The following IFT43 variants were observed in gnomAD, a reference collection of about 807,000 sequenced individuals.
The protein encoded by IFT43 is intraflagellar transport 43, also known as intraflagellar transport protein 43 homolog.
In IFT43, 33 loss-of-function variants were observed where a neutral mutation model predicts 32.3. The ratio of observed to expected loss-of-function variants is 1.02; its 90% CI spans 0.77 to 1.37. The LOEUF (loss-of-function observed/expected upper bound fraction) is 1.37, where lower values mean the gene tolerates loss of function less well. Among genes scored for constraint, IFT43 ranks in the 40% most tolerant of loss-of-function variants. The probability of loss-of-function intolerance (pLI) is 0.00; values close to 1 mark genes in which losing one functional copy is unlikely to be tolerated. For missense variants in IFT43, 274 were observed against 265.9 expected (o/e 1.03, Z -0.21); for synonymous variants, 93 against 98.2 (o/e 0.95, Z 0.31).
chr14:75,986,446 C>A (rs200052099), intron 1 of IFT43: 2,057 of 148,198 alleles, frequency 0.014, 5 homozygotes, highest in South Asian at 0.026. Flanking sequence ...TGCCTGGGTT[C>A]AAAAAAAAAA....
rs567316736 is a variant in IFT43 at position 76,039,268 on chromosome 14, G to A, written c.215+16874G>A. On this transcript the variant is annotated intron_variant, in intron 3 of 8. Transcript: ENST00000314067. Reference sequence around the variant, plus strand: ...CGGCCTCAGCCTCCTCAGTAGCTGGGACTACAGGTACTCCTGCGTAGTTGA... The same window carrying A: ...CGGCCTCAGCCTCCTCAGTAGCTGGAACTACAGGTACTCCTGCGTAGTTGA... Among the ~76,000 whole-genome samples, 285 of 152,228 alleles carry A rather than the reference G, an allele frequency of 1.9e-3. 1 individual carries two copies. The highest frequency in any genetic ancestry group is 0.011 in the South Asian group (51 of 4,826).
intron 5 of IFT43, among the ~76,000 whole-genome samples, chr14:76,072,276 T>A (rs765581770): frequency 1.1e-4 from 16 of 152,266 alleles, no homozygotes; most frequent in South Asian, 8.3e-4. Flanking sequence ...TCACTGGGCT[T>A]GTACAGATTG....
rs10146328 is a variant in IFT43 at position 76,001,892 on chromosome 14, T to G, written c.147+12915T>G. 6.1e-3 allele frequency among the ~76,000 whole-genome samples: 926 copies of G among 152,288 alleles called. 10 individuals carry two copies. The highest frequency in any genetic ancestry group is 0.021 in the African/African-American group (876 of 41,564). On this transcript the variant is annotated intron_variant, in intron 2 of 8. Transcript: ENST00000314067. ...TCCTTCTATAAGGGACCCACTCTAG[T>G]GATAATGGCATTAATCCATTCATGA...
intron 2 of IFT43, among the ~76,000 whole-genome samples, chr14:76,016,683 A>G (rs2036194376): frequency 6.6e-6 from 1 of 152,200 alleles, no homozygotes; most frequent in Admixed American, 6.5e-5. Context: ...CTTCTGATCC[A>G]TAAGCATGGG....
chr14:76,079,689 G>A (rs1010059569), intron 5 of IFT43, among the ~76,000 whole-genome samples: 1 of 152,144 alleles, frequency 6.6e-6, no homozygotes, highest in Non-Finnish European at 1.5e-5. Context: ...TAAAATGGTG[G>A]TTGCTTTTCA....
intron 2 of IFT43, among the ~76,000 whole-genome samples, chr14:75,991,824 T>A (rs2035649868): frequency 6.6e-6 from 1 of 152,194 alleles, no homozygotes; most frequent in African/African-American, 2.4e-5. Flanking sequence ...CCAGTTAGGA[T>A]TCCAGGATCC....
At chr14:76,017,145 G>C (rs1018158637) in intron 2 of IFT43, among the ~76,000 whole-genome samples, 3 of 152,150 alleles carry the variant, frequency 2.0e-5, no homozygotes, top group Non-Finnish European at 4.4e-5. Flanking sequence ...AAAATGTTCA[G>C]CTTTTCTCCA....
intron 5 of IFT43, among the ~76,000 whole-genome samples, chr14:76,072,162 C>CT (rs149857021): frequency 2.6e-5 from 4 of 152,172 alleles, no homozygotes; most frequent in African/African-American, 9.7e-5. Context: ...CCATTCCTCT[C>CT]TTTTTTCCAT....
At chr14:76,002,370 G>C (rs975328645) in intron 2 of IFT43, among the ~76,000 whole-genome samples, 5 of 152,154 alleles carry the variant, frequency 3.3e-5, no homozygotes, top group Admixed American at 6.5e-5. Context: ...AAGGTAAGGG[G>C]GGGGGTGGCA....
At chr14:76,014,645 C>G (rs1449762830) in intron 2 of IFT43, among the ~76,000 whole-genome samples, 1 of 151,938 alleles carries the variant, frequency 6.6e-6, no homozygotes, top group African/African-American at 2.4e-5. Flanking sequence ...CCCACTTTGC[C>G]CATAAACTTC....
chr14:76,025,696 G>C (rs1034047306), intron 3 of IFT43, among the ~76,000 whole-genome samples: 3 of 152,078 alleles, frequency 2.0e-5, no homozygotes, highest in African/African-American at 7.2e-5. Flanking sequence ...CAAGCAATGG[G>C]GGAAGGATTC....
intron 3 of IFT43, among the ~76,000 whole-genome samples, chr14:76,056,727 G>A (rs1392556068): frequency 1.3e-5 from 2 of 152,210 alleles, no homozygotes; most frequent in African/African-American, 4.8e-5. Flanking sequence ...TTCGGACAAT[G>A]GGGGTATAGA....
At chr14:75,986,020 T>TG in intron 1 of IFT43, 180 bp downstream of exon 1, 1 of 1,525,012 alleles carries the variant, frequency 6.6e-7, no homozygotes, top group Non-Finnish European at 8.8e-7. Context: ...CCGCCGCTGC[T>TG]GGCCTGGGGT....
intron 3 of IFT43, among the ~76,000 whole-genome samples, chr14:76,035,003 A>C (rs2036572685): frequency 1.3e-5 from 2 of 152,200 alleles, no homozygotes; most frequent in African/African-American, 2.4e-5. Flanking sequence ...TTTTGTCTCA[A>C]AGTGTCTGTT....
intron 5 of IFT43, among the ~76,000 whole-genome samples, chr14:76,082,086 A>G (rs141777750): frequency 6.6e-6 from 1 of 152,222 alleles, no homozygotes; most frequent in African/African-American, 2.4e-5. Flanking sequence ...AGGAGGTTCT[A>G]TCTCAGCAGG....
chr14:75,993,545 G>A (rs1180726478), intron 2 of IFT43, among the ~76,000 whole-genome samples: 2 of 152,206 alleles, frequency 1.3e-5, no homozygotes, highest in African/African-American at 4.8e-5. Context: ...AATTTTTCAA[G>A]TGGCCTCCTC....
intron 5 of IFT43, among the ~76,000 whole-genome samples, chr14:76,079,663 T>C (rs555059250): frequency 5.9e-5 from 9 of 152,286 alleles, no homozygotes; most frequent in Non-Finnish European, 8.8e-5. Flanking sequence ...AAAATAAACA[T>C]AATTTTTGGA....
intron 3 of IFT43, chr14:76,038,074 C>T (rs150981784): frequency 6.6e-6 from 1 of 152,316 alleles, no homozygotes; most frequent in African/African-American, 2.4e-5. Context: ...CCTTGCTACC[C>T]TTAGCCGCAA....
At chr14:76,021,478 A>G (rs13379363) in intron 2 of IFT43, among the ~76,000 whole-genome samples, 3,898 of 152,324 alleles carry the variant, frequency 0.026, 104 homozygotes, top group African/African-American at 0.068. Context: ...TATGTTGATA[A>G]TCATTTCAAA....
Sources: gnomAD v4.1 joint callset for allele counts (sites outside exome capture counted in the v4.1 genomes callset) on GRCh38, gnomAD v4.1.1 for gene constraint, MANE v1.5 for transcripts, NCBI Gene and HGNC (gene_info 2026-07-23, HGNC 2026-07-21) for gene names.